The following TNS1 variants were observed in gnomAD, a reference collection of about 807,000 sequenced individuals.
TNS1 encodes tensin 1, also known as tensin-1.
TNS1 carries 62 observed loss-of-function variants against 168.6 expected under a neutral mutation model. The observed-to-expected ratio is 0.37, with a 90% CI of 0.30 to 0.45. The LOEUF is 0.45. TNS1 is among the 20% of genes least tolerant of loss of function. The pLI, the probability that TNS1 is intolerant of heterozygous loss-of-function variation, is 1.00. For missense variants in TNS1, 2,240 were observed against 2,339.4 expected (o/e 0.96, Z 0.88); for synonymous variants, 934 against 933.2 (o/e 1.00, Z -0.02).
chr2:217,938,606 T>C (rs3791906), intron 3 of TNS1, among the ~76,000 whole-genome samples: 50,217 of 152,180 alleles, frequency 0.33, 11,888 homozygotes, highest in African/African-American at 0.67. Context: ...GTAGATGCCA[T>C]ATCTATGGGT....
At chr2:217,903,652 T>C in intron 6 of TNS1, 1 of 1,488,330 alleles carries the variant, frequency 6.7e-7, no homozygotes, top group African/African-American at 1.4e-5. Flanking sequence ...GAAAGGAAAT[T>C]CGACAGCCTC....
Position 217,974,061 on chromosome 2 carries a change from G to A in TNS1, c.186+4704C>T, listed in dbSNP as rs150882586. On this transcript the variant is annotated intron_variant, in intron 3 of 32. Coordinates refer to ENST00000682258, the MANE Select transcript of TNS1 (RefSeq NM_001387777.1). ...CAAACATACTGTGTGATTCCATTTC[G>A]ATGAACATTCAAGAACAGGCAAAAC... is the stretch of plus-strand genomic sequence containing the variant. 1.2e-3 allele frequency among the ~76,000 whole-genome samples: 190 copies of A among 152,334 alleles called. 1 individual carries two copies. The highest frequency in any genetic ancestry group is 4.1e-3 in the African/African-American group (170 of 41,580).
intron 21 of TNS1, among the ~76,000 whole-genome samples, chr2:217,832,732 A>T (rs1214844000): frequency 2.0e-5 from 3 of 152,240 alleles, no homozygotes; most frequent in African/African-American, 7.2e-5. Context: ...GAACACCCAC[A>T]TGCACGTGGG....
At chr2:217,867,575 T>C (rs1415575813) in intron 18 of TNS1, among the ~76,000 whole-genome samples, 3 of 152,254 alleles carry the variant, frequency 2.0e-5, no homozygotes, top group Non-Finnish European at 2.9e-5. Context: ...TGTATCATTC[T>C]ATAAAGAGGC....
At chr2:217,970,591 GT>G (rs1957752625) in intron 3 of TNS1, among the ~76,000 whole-genome samples, 2 of 152,166 alleles carry the variant, frequency 1.3e-5, no homozygotes, top group African/African-American at 4.8e-5. Context: ...CAGCATAGAT[GT>G]ACCTTGAAAA....
At chr2:217,999,130 C>T (rs1234540434) in intron 1 of TNS1, among the ~76,000 whole-genome samples, 3 of 152,180 alleles carry the variant, frequency 2.0e-5, no homozygotes, top group East Asian at 1.9e-4. Context: ...AGGGCTCATG[C>T]GTCATTCTCA....
chr2:217,813,131 C>G lies in TNS1; in HGVS notation c.4954+84G>C. On this transcript the variant is annotated intron_variant, in intron 27 of 32. Transcript: ENST00000682258. The surrounding 1 kb of genome is among the most constrained non-coding windows in gnomAD (Gnocchi z 4.0). The stretch of plus-strand genomic sequence containing the variant: ...GACTGGCAGAGCCTGTCAGAAAGAA[C>G]TTGGGGTCAGACCCCTGGAGGAACC... The G allele has an allele frequency of 1.0e-6, 1 of 960,892 alleles. No individual in the cohort carries two copies. The highest frequency in any genetic ancestry group is 2.6e-5 in the East Asian group (1 of 37,988). 59.5% of individuals were successfully genotyped at this position (960,892 alleles called of 1,614,324 possible).
At position 217,961,157 on chromosome 2, in the gene TNS1, G is replaced by A. The variant is rs548103311; in HGVS notation, c.186+17608C>T. The stretch of plus-strand genomic sequence containing the variant: ...CTTCAGGGAGCTCTGTCCAGTTAGG[G>A]AGCCCTGCTCAGTGGCTTTCGATTC... On this transcript the variant is annotated intron_variant, in intron 3 of 32. Transcript: ENST00000682258. 1.1e-4 allele frequency among the ~76,000 whole-genome samples: 17 copies of A among 151,990 alleles called. 1 individual carries two copies. The highest frequency in any genetic ancestry group is 3.4e-3 in the Middle Eastern group (1 of 292).
chr2:218,023,885 C>T (rs946983409), intron 1 of TNS1, among the ~76,000 whole-genome samples: 5 of 152,016 alleles, frequency 3.3e-5, no homozygotes, highest in African/African-American at 1.2e-4. Context: ...TCTGAAACAG[C>T]CCCCTCCCCC....
chr2:217,933,630 G>T (rs996109740), intron 3 of TNS1, among the ~76,000 whole-genome samples: 1 of 152,170 alleles, frequency 6.6e-6, no homozygotes, highest in African/African-American at 2.4e-5. Context: ...CAGAGATGGG[G>T]GGAACAAGAG....
intron 9 of TNS1, among the ~76,000 whole-genome samples, chr2:217,894,483 C>T (rs1303201966): frequency 6.6e-6 from 1 of 152,150 alleles, no homozygotes; most frequent in Non-Finnish European, 1.5e-5. Flanking sequence ...ACGGCGAAAC[C>T]CCATCTCTAC....
rs557554877 is a variant in TNS1 at position 217,804,695 on chromosome 2, C to T, written c.5376-92G>A. On this transcript the variant is annotated intron_variant, in intron 32 of 32. Transcript: ENST00000682258. ...CCCAGGTGAGCAAGCTGGTCTCAGGCCAACCTCTCTTCCCCATCCCTCCAG... is the reference window on the plus strand; with the variant it reads ...CCCAGGTGAGCAAGCTGGTCTCAGGTCAACCTCTCTTCCCCATCCCTCCAG... 5.9e-6 allele frequency: 9 copies of T among 1,518,250 alleles called. No homozygotes were observed. The African/African-American group carries it at 6.8e-5, about 12-fold the overall frequency. 94.0% of individuals were successfully genotyped at this position (1,518,250 alleles called of 1,614,324 possible).
chr2:217,826,803 T>C (rs1943692733), intron 22 of TNS1, among the ~76,000 whole-genome samples: 1 of 152,198 alleles, frequency 6.6e-6, no homozygotes. Context: ...AAGTGGCTGC[T>C]GGCGGTGAAG....
chr2:217,957,459 A>T (rs1957393906), intron 3 of TNS1, among the ~76,000 whole-genome samples: 1 of 152,176 alleles, frequency 6.6e-6, no homozygotes, highest in Admixed American at 6.5e-5. Flanking sequence ...TCCTGATTTC[A>T]CCAGGTAAAA....
intron 3 of TNS1, among the ~76,000 whole-genome samples, chr2:217,940,537 A>G (rs1310002081): frequency 2.0e-5 from 3 of 152,154 alleles, no homozygotes; most frequent in African/African-American, 7.2e-5. Flanking sequence ...AGTCTCTTTC[A>G]AACCCCAGGA....
At chr2:217,831,645 G>T in intron 21 of TNS1, 98 bp from the exon 22 acceptor site, 2 of 979,258 alleles carry the variant, frequency 2.0e-6, no homozygotes, top group Non-Finnish European at 2.8e-6. Flanking sequence ...GGGCTGGGGG[G>T]CTGGAGACGG....
chr2:217,832,409 T>C (rs932262067), intron 21 of TNS1, among the ~76,000 whole-genome samples: 4 of 152,206 alleles, frequency 2.6e-5, no homozygotes, highest in Non-Finnish European at 5.9e-5. Context: ...AGTCACGAGA[T>C]ACCTGGGTGG....
intron 28 of TNS1, among the ~76,000 whole-genome samples, chr2:217,810,629 A>G (rs1312023970): frequency 1.3e-5 from 2 of 152,202 alleles, no homozygotes; most frequent in Admixed American, 1.3e-4. Context: ...GAGCGACTCC[A>G]TGTACAGCTT....
Position 217,847,965 on chromosome 2 carries a change from G to A in TNS1, c.2552C>T (p.Ala851Val). 6.6e-7 allele frequency: 1 copy of A among 1,508,906 alleles called. No individual in the cohort carries two copies. The highest frequency in any genetic ancestry group is 8.9e-7 in the Non-Finnish European group (1 of 1,126,112). The allele number at this position is 1,508,906 out of a possible 1,614,324, so 93.5% of individuals were successfully genotyped here. ...MLDLEPASAA[A>V]PLHKSQSVPG... ...GACACTCTGGGACTTGTGTAGTGGG[G>A]CAGCAGCGGAGGCTGGCTCCAGGTC... The change falls in exon 19 of 33, where the codon GCC becomes GTC. Residue 851 changes from alanine (A) to valine (V), a missense_variant. Ala to Val is a moderately conservative substitution (Grantham distance 64). This residue lies in a region of TNS1 where 2,131 missense variants were observed against 2,171.2 expected (regional missense o/e 0.98). Coordinates refer to ENST00000682258, the MANE Select transcript of TNS1 (RefSeq NM_001387777.1).
Sources: gnomAD v4.1 joint callset for allele counts (sites outside exome capture counted in the v4.1 genomes callset) on GRCh38, gnomAD v4.1.1 for gene constraint, gnomAD v4.1.1 regional missense constraint, Gnocchi (gnomAD v3.1) non-coding constraint, MANE v1.5 for transcripts, NCBI Gene and HGNC (gene_info 2026-07-23, HGNC 2026-07-21) for gene names.